The following DNAH5 variants were observed in gnomAD, a reference collection of about 807,000 sequenced individuals.
The protein encoded by DNAH5 is axonemal beta dynein heavy chain 5.
DNAH5 carries 372 observed loss-of-function variants against 518.2 expected under a neutral mutation model. That is an observed-to-expected ratio of 0.72 (90% CI 0.66 to 0.78). The LOEUF (loss-of-function observed/expected upper bound fraction) is 0.78, where lower values mean the gene tolerates loss of function less well. DNAH5 is among the 30% of genes least tolerant of loss of function. The pLI is 0.00. For missense variants in DNAH5, 5,523 were observed against 5,687.0 expected (o/e 0.97, Z 0.93); for synonymous variants, 2,039 against 2,025.9 (o/e 1.01, Z -0.17).
rs115623799 is a variant in DNAH5 at position 13,813,118 on chromosome 5, A to G, written c.7231-1295T>C. ...GGCCTTCCTGTTCTAAACATTTCCA[A>G]TCTGATTCTTCTCATGAGTCTTGCT... is the stretch of plus-strand genomic sequence containing the variant. On this transcript the variant is annotated intron_variant, in intron 43 of 78. Coordinates refer to ENST00000265104, the MANE Select transcript of DNAH5 (RefSeq NM_001369.3). 1.9e-3 allele frequency among the ~76,000 whole-genome samples: 296 copies of G among 152,232 alleles called. 1 individual carries two copies. Among genetic ancestry groups the G allele is most frequent in the African/African-American group, 6.8e-3 (284 of 41,548 alleles).
intron 1 of DNAH5, among the ~76,000 whole-genome samples, chr5:13,955,832 CT>C (rs1363507444): frequency 1.3e-5 from 2 of 152,078 alleles, no homozygotes; most frequent in African/African-American, 2.4e-5. Flanking sequence ...CTAATTAGTT[CT>C]ATTTAACTCT....
chr5:13,946,673 G>A (rs979570664), upstream of DNAH5, among the ~76,000 whole-genome samples: 3 of 152,194 alleles, frequency 2.0e-5, no homozygotes, highest in African/African-American at 7.2e-5. Flanking sequence ...CCCCGTCTGT[G>A]CGGATAGTAC....
intron 1 of DNAH5, among the ~76,000 whole-genome samples, chr5:13,985,428 AAAATATATAT>A (rs1221458822): frequency 1.6e-4 from 9 of 55,378 alleles, no homozygotes; most frequent in East Asian, 1.5e-3. Context: ...AAAGTATAAT[AAAATATATAT>A]ATATATATAT....
chr5:13,710,402 G>A (rs1455726311), intron 75 of DNAH5, among the ~76,000 whole-genome samples: 15 of 152,066 alleles, frequency 9.9e-5, no homozygotes, highest in Non-Finnish European at 5.9e-5. Flanking sequence ...GACAAAAATT[G>A]ACATTCTAAT....
chr5:13,946,452 A>G (rs1779930974), upstream of DNAH5, among the ~76,000 whole-genome samples: 1 of 152,164 alleles, frequency 6.6e-6, no homozygotes. Flanking sequence ...GAACAACACA[A>G]ACAAAGCAAG....
intron 1 of DNAH5, among the ~76,000 whole-genome samples, chr5:13,994,375 A>G (rs1479797766): frequency 2.6e-5 from 4 of 152,240 alleles, no homozygotes; most frequent in African/African-American, 9.6e-5. Context: ...GAGTACGATC[A>G]TCATTCTGTA....
chr5:13,770,659 C>T (rs1340838921), intron 56 of DNAH5, 90 bp downstream of exon 56: 19 of 1,170,796 alleles, frequency 1.6e-5, no homozygotes, highest in African/African-American at 3.0e-5. Context: ...AAAATGTCTC[C>T]GGTCATTGCA....
chr5:13,786,200 A>T lies in DNAH5; in HGVS notation c.8799T>A (p.Asp2933Glu), dbSNP rs763034399. The change falls in exon 52 of 79, where the codon GAT becomes GAA. Residue 2933 changes from aspartate to glutamate, a missense_variant. Around this residue, in one of 3 missense-constraint regions of DNAH5, gnomAD observed 5,121 missense variants for 5,223.3 expected, o/e 0.98. Coordinates refer to ENST00000265104, the MANE Select transcript of DNAH5 (RefSeq NM_001369.3). Reference sequence around the variant, plus strand: ...GTACCTTGACTAAGTGAACCATGGCATCTGCAAAGAACACCATGTCCATGC... The same window carrying T: ...GTACCTTGACTAAGTGAACCATGGCTTCTGCAAAGAACACCATGTCCATGC... The part of the protein sequence containing the change: ...GAGMDMVFFA[D>E]AMVHLVKISR... 23 of 1,613,942 alleles carry T rather than the reference A, an allele frequency of 1.4e-5. No individual in the cohort carries two copies. The South Asian group carries it at 1.6e-4, about 12-fold the overall frequency.
chr5:13,903,132 C>T (rs1431568848), intron 12 of DNAH5, among the ~76,000 whole-genome samples: 1 of 151,938 alleles, frequency 6.6e-6, no homozygotes, highest in Non-Finnish European at 1.5e-5. Context: ...AAGAACAGAA[C>T]TGAATAAAAC....
At chr5:13,829,487 A>G (rs372977779) in intron 38 of DNAH5, 23 bp downstream of exon 38, 30 of 1,612,432 alleles carry the variant, frequency 1.9e-5, no homozygotes, top group Non-Finnish European at 2.4e-5. Flanking sequence ...GCCTAAGTGC[A>G]TAAGACCTCC....
chr5:13,967,594 T>C (rs966992145), intron 1 of DNAH5, among the ~76,000 whole-genome samples: 8 of 152,252 alleles, frequency 5.3e-5, no homozygotes, highest in Non-Finnish European at 1.2e-4. Context: ...TAGTATAGTT[T>C]GAAGTTGGAT....
chr5:13,771,553 G>A (rs1753340431), intron 55 of DNAH5, among the ~76,000 whole-genome samples: 2 of 152,060 alleles, frequency 1.3e-5, no homozygotes, highest in Admixed American at 6.5e-5. Context: ...GTCTCCTGTT[G>A]GAGACCTTTA....
At chr5:13,974,982 G>A (rs947579358) in intron 1 of DNAH5, among the ~76,000 whole-genome samples, 6 of 152,154 alleles carry the variant, frequency 3.9e-5, no homozygotes, top group Non-Finnish European at 5.9e-5. Flanking sequence ...GGCACAGACT[G>A]GCCCTCTGGA....
chr5:13,861,966 AAAAAAAAAAAC>A (rs978859546), intron 29 of DNAH5, among the ~76,000 whole-genome samples: 12 of 151,090 alleles, frequency 7.9e-5, no homozygotes, highest in Non-Finnish European at 1.6e-4. Context: ...AAAAAAAAAA[AAAAAAAAAAAC>A]AAGTTCAAAT....
chr5:13,808,934 T>G, intron 46 of DNAH5, 110 bp downstream of exon 46: 1 of 1,381,534 alleles, frequency 7.2e-7, no homozygotes, highest in Non-Finnish European at 1.0e-6. Flanking sequence ...CACTCCAGCC[T>G]GGGCGACAGA....
rs886038480 is a variant in DNAH5 at position 13,794,098 on chromosome 5, C to T, written c.7888-40G>A. On this transcript the variant is annotated intron_variant, in intron 47 of 78. Transcript: ENST00000265104. ...TCAACTGAAACATCTGTGAAAATAT[C>T]CCCTAAAACCTGGTCAATTATTTTA... The T allele has an allele frequency of 1.2e-6, 2 of 1,613,156 alleles. No individual in the cohort carries two copies. Among genetic ancestry groups the T allele is most frequent in the Middle Eastern group, 1.7e-4 (1 of 6,052 alleles).
chr5:13,953,268 T>C (rs1031198418), intron 1 of DNAH5, among the ~76,000 whole-genome samples: 6 of 152,150 alleles, frequency 3.9e-5, no homozygotes, highest in Admixed American at 3.9e-4. Flanking sequence ...CCAATTAAAG[T>C]GAATGTGTAT....
chr5:13,887,877 A>G (rs1357942179), intron 17 of DNAH5, among the ~76,000 whole-genome samples: 1 of 152,078 alleles, frequency 6.6e-6, no homozygotes, highest in Non-Finnish European at 1.5e-5. Context: ...CTGGGAATTC[A>G]TGGTCCCCAA....
intron 77 of DNAH5, 136 bp from the exon 78 acceptor site, chr5:13,701,007 T>C: frequency 2.0e-6 from 2 of 1,007,042 alleles, no homozygotes; most frequent in South Asian, 1.4e-5. Context: ...ATTAGCAAGA[T>C]TCCCTCATTA....
Sources: allele counts gnomAD v4.1 joint callset (sites outside exome capture counted in the v4.1 genomes callset), GRCh38; gene constraint gnomAD v4.1.1; regional missense constraint gnomAD v4.1.1; transcripts MANE v1.5; gene names NCBI Gene and HGNC (gene_info 2026-07-23, HGNC 2026-07-21).